CLHC1: variants seen among roughly 807,000 people sequenced by gnomAD.
CLHC1 encodes clathrin heavy chain linker domain-containing protein 1.
Under a neutral mutation model 69.5 loss-of-function variants are expected in CLHC1, and 72 were observed. The ratio of observed to expected loss-of-function variants is 1.04; its 90% CI spans 0.86 to 1.26. The LOEUF (loss-of-function observed/expected upper bound fraction) is 1.26, where lower values mean the gene tolerates loss of function less well. CLHC1 is among the 50% of genes most tolerant of loss of function. The pLI is 0.00. For synonymous variants in CLHC1, 223 were observed against 224.3 expected, an observed-to-expected ratio of 0.99 and a Z score of 0.05; for missense variants, 790 against 679.3, an observed-to-expected ratio of 1.16 and a Z score of -1.81.
intron 9 of CLHC1, among the ~76,000 whole-genome samples, chr2:55,188,653 A>G (rs1316593174): frequency 3.3e-5 from 5 of 152,184 alleles, no homozygotes; most frequent in African/African-American, 1.2e-4. Context: ...TCATAGCAAA[A>G]TTGTTTATAA....
chr2:55,231,682 G>A (rs1172011550), intron 1 of CLHC1, among the ~76,000 whole-genome samples: 2 of 152,146 alleles, frequency 1.3e-5, no homozygotes, highest in Admixed American at 1.3e-4. Flanking sequence ...AGAAAGGACA[G>A]GGAGAACTTG....
chr2:55,177,582 C>T lies in CLHC1; in HGVS notation c.1564+20G>A, dbSNP rs1159800624. 1 of 1,545,366 alleles carries T rather than the reference C, an allele frequency of 6.5e-7. No homozygotes were observed. On this transcript the variant is annotated intron_variant, in intron 12 of 12. Coordinates refer to ENST00000401408, the MANE Select transcript of CLHC1 (RefSeq NM_152385.4). ...AGATAACCCACTACTATTTCTCCCA[C>T]AACATTTTATTCTACTTACCTATCC... is the stretch of plus-strand genomic sequence containing the variant.
chr2:55,203,867 G>C (rs897385265), intron 9 of CLHC1, among the ~76,000 whole-genome samples: 1 of 152,142 alleles, frequency 6.6e-6, no homozygotes, highest in African/African-American at 2.4e-5. Flanking sequence ...ACGAAGTGAA[G>C]AGACAACCCA....
At chr2:55,176,713 A>G (rs1669422544) in intron 12 of CLHC1, among the ~76,000 whole-genome samples, 1 of 152,172 alleles carries the variant, frequency 6.6e-6, no homozygotes, top group South Asian at 2.1e-4. Context: ...TATTTCTACC[A>G]TAATTATTAT....
intron 2 of CLHC1, among the ~76,000 whole-genome samples, chr2:55,223,459 C>T (rs951859887): frequency 1.4e-4 from 22 of 152,234 alleles, no homozygotes; most frequent in Admixed American, 7.8e-4. Flanking sequence ...GGGCCGGCCC[C>T]GCGCAGCCTC....
chr2:55,195,142 C>T (rs1365934543), intron 9 of CLHC1, among the ~76,000 whole-genome samples: 1 of 152,132 alleles, frequency 6.6e-6, no homozygotes, highest in Non-Finnish European at 1.5e-5. Flanking sequence ...GTGCATTTAT[C>T]CTACATAACT....
At chr2:55,202,394 A>G (rs999981650) in intron 9 of CLHC1, among the ~76,000 whole-genome samples, 4 of 151,874 alleles carry the variant, frequency 2.6e-5, no homozygotes, top group South Asian at 4.2e-4. Flanking sequence ...TGTCCCTACT[A>G]AAAATACAAA....
intron 9 of CLHC1, among the ~76,000 whole-genome samples, chr2:55,204,310 T>C (rs915135599): frequency 6.6e-6 from 1 of 152,000 alleles, no homozygotes; most frequent in Non-Finnish European, 1.5e-5. Flanking sequence ...AAGATTTGAA[T>C]AGACATTTCT....
chr2:55,218,096 A>C (rs2104019095), intron 3 of CLHC1, 98 bp from the exon 4 acceptor site: 2 of 589,874 alleles, frequency 3.4e-6, no homozygotes, highest in South Asian at 3.9e-5. Context: ...TTTAAAAATG[A>C]AACATGATTA....
intron 2 of CLHC1, among the ~76,000 whole-genome samples, chr2:55,227,449 G>A (rs1027418690): frequency 4.6e-5 from 7 of 152,114 alleles, no homozygotes; most frequent in Admixed American, 1.3e-4. Context: ...GGAGGCCGAG[G>A]CAGGCAGATC....
chr2:55,179,822 A>T (rs1669743983), intron 11 of CLHC1, among the ~76,000 whole-genome samples: 1 of 152,140 alleles, frequency 6.6e-6, no homozygotes, highest in Non-Finnish European at 1.5e-5. Context: ...ATAAATTAGA[A>T]ATTCTTCATT....
intron 9 of CLHC1, among the ~76,000 whole-genome samples, chr2:55,202,193 A>T (rs1249231052): frequency 6.6e-6 from 1 of 151,380 alleles, no homozygotes; most frequent in East Asian, 1.9e-4. Context: ...AATAAAGGGC[A>T]TCCAAATTGG....
chr2:55,201,461 T>A (rs949757689), intron 9 of CLHC1, among the ~76,000 whole-genome samples: 3 of 152,082 alleles, frequency 2.0e-5, no homozygotes, highest in African/African-American at 7.2e-5. Context: ...CCACCAATAT[T>A]GAACCATGAA....
chr2:55,204,445 T>C (rs1248314677), intron 9 of CLHC1, among the ~76,000 whole-genome samples: 2 of 152,208 alleles, frequency 1.3e-5, no homozygotes, highest in Non-Finnish European at 2.9e-5. Context: ...CAGTAGCTTT[T>C]ATCCAAGAGT....
intron 9 of CLHC1, among the ~76,000 whole-genome samples, chr2:55,184,507 A>C (rs1325065906): frequency 1.3e-5 from 2 of 152,230 alleles, no homozygotes; most frequent in Non-Finnish European, 1.5e-5. Context: ...ATTGAAACAA[A>C]GATATTGTGC....
intron 3 of CLHC1, among the ~76,000 whole-genome samples, chr2:55,219,487 C>T (rs545262132): frequency 6.6e-6 from 1 of 152,118 alleles, no homozygotes; most frequent in Non-Finnish European, 1.5e-5. Context: ...AAAAATCTAC[C>T]TACATGGAAT....
chr2:55,208,745 A>C (rs201443467), intron 7 of CLHC1, 35 bp from the exon 8 acceptor site: 24 of 1,393,026 alleles, frequency 1.7e-5, no homozygotes, highest in Non-Finnish European at 2.3e-5. Flanking sequence ...GAAGATATTT[A>C]AGGTTACTTA....
intron 9 of CLHC1, among the ~76,000 whole-genome samples, chr2:55,199,729 A>T (rs1420677796): frequency 6.6e-6 from 1 of 152,178 alleles, no homozygotes; most frequent in Admixed American, 6.5e-5. Flanking sequence ...CAAATCAAAA[A>T]GCATACAATG....
chr2:55,174,375 T>A lies in CLHC1; in HGVS notation c.*1415A>T, dbSNP rs1021603021. ...ATAACTTAATCTCAGCAATAAGTTG[T>A]ACCAATATATCAAATACTTTAAAGA... is the stretch of plus-strand genomic sequence containing the variant. On this transcript the variant is annotated 3_prime_UTR_variant, in exon 13 of 13. Coordinates refer to ENST00000401408, the MANE Select transcript of CLHC1 (RefSeq NM_152385.4). Among the ~76,000 whole-genome samples the A allele has an allele frequency of 1.1e-4, 17 of 152,206 alleles. No individual in the cohort carries two copies. The highest frequency in any genetic ancestry group is 4.1e-4 in the African/African-American group (17 of 41,454).
Sources: allele counts gnomAD v4.1 joint callset (sites outside exome capture counted in the v4.1 genomes callset), GRCh38; gene constraint gnomAD v4.1.1; transcripts MANE v1.5; gene names NCBI Gene and HGNC (gene_info 2026-07-23, HGNC 2026-07-21).